Variants in FCN3 observed in about 807,000 individuals in gnomAD.
FCN3 encodes the protein ficolin 3, also known as ficolin-3.
Under a neutral mutation model 31.5 loss-of-function variants are expected in FCN3, and 28 were observed. That is an observed-to-expected ratio of 0.89 (90% CI 0.66 to 1.22). The LOEUF (loss-of-function observed/expected upper bound fraction) is 1.22. Ranked by LOEUF, FCN3 falls within the 50% of genes most tolerant of loss-of-function variation. The pLI, the probability that FCN3 is intolerant of heterozygous loss-of-function variation, is 0.00. For synonymous variants in FCN3, 124 were observed against 147.4 expected (o/e 0.84, Z 1.15); for missense variants, 351 against 386.8 (o/e 0.91, Z 0.78).
At chr1:27,372,470 A>T (rs765624176) in intron 5 of FCN3, among the ~76,000 whole-genome samples, 36 of 151,948 alleles carry the variant, frequency 2.4e-4, no homozygotes, top group Non-Finnish European at 4.6e-4. Flanking sequence ...CTGATCTCGA[A>T]CTCTTGACCT....
At chr1:27,370,347 T>A (rs1455476385) in intron 7 of FCN3, 6 of 487,966 alleles carry the variant, frequency 1.2e-5, no homozygotes, top group Non-Finnish European at 2.2e-5. Context: ...TGAGGCTCAG[T>A]GGAGGGGTAG....
chr1:27,373,049 G>T, intron 5 of FCN3, 87 bp downstream of exon 5: 1 of 1,479,610 alleles, frequency 6.8e-7, no homozygotes, highest in Non-Finnish European at 9.2e-7. Flanking sequence ...GAAATGCCTT[G>T]CTCTGGTGGG....
chr1:27,370,523 T>A (rs879681460), intron 7 of FCN3, 73 bp downstream of exon 7: 28 of 1,333,696 alleles, frequency 2.1e-5, no homozygotes, highest in Non-Finnish European at 2.9e-5. Flanking sequence ...TTGCCCTGGG[T>A]CATTCATGGG....
At chr1:27,373,764 C>T (rs1308734900) in intron 3 of FCN3, 3 of 649,682 alleles carry the variant, frequency 4.6e-6, no homozygotes, top group Admixed American at 2.8e-5. Context: ...TAATCCTCCC[C>T]ACTCCTCCCA....
chr1:27,374,657 A>T, intron 1 of FCN3, 71 bp downstream of exon 1: 1 of 951,218 alleles, frequency 1.1e-6, no homozygotes, highest in Non-Finnish European at 1.5e-6. Flanking sequence ...GAGGTTGATG[A>T]GCCTTGGTGG....
intron 7 of FCN3, among the ~76,000 whole-genome samples, 160 bp from the exon 8 acceptor site, chr1:27,369,637 C>A (rs1213765969): frequency 2.0e-5 from 3 of 152,214 alleles, no homozygotes; most frequent in African/African-American, 7.2e-5. Context: ...GGTTACTCGG[C>A]TGGTTGAAGC....
chr1:27,371,034 G>A, intron 5 of FCN3, 62 bp from the exon 6 acceptor site: 1 of 1,554,952 alleles, frequency 6.4e-7, no homozygotes, highest in Non-Finnish European at 8.8e-7. Context: ...TGAGGGTGCA[G>A]GAACTGTGAG....
chr1:27,371,453 G>A (rs531495371), intron 5 of FCN3, among the ~76,000 whole-genome samples: 77 of 152,224 alleles, frequency 5.1e-4, no homozygotes, highest in African/African-American at 1.8e-3. Context: ...GCTCACACCT[G>A]TAGTTCCAGC....
intron 6 of FCN3, 35 bp downstream of exon 6, chr1:27,370,807 TA>T: frequency 6.2e-7 from 1 of 1,611,428 alleles, no homozygotes; most frequent in Middle Eastern, 1.7e-4. Context: ...TGGCAGACAG[TA>T]ACCCCCAGAC....
At chr1:27,373,309 G>A (rs779973101) in intron 4 of FCN3, 46 bp from the exon 5 acceptor site, 3 of 1,611,588 alleles carry the variant, frequency 1.9e-6, no homozygotes, top group African/African-American at 2.7e-5. Flanking sequence ...GTTATTCCCT[G>A]ACCCCCACCC....
rs1318052893 is a variant in FCN3 at position 27,370,632 on chromosome 1, G to C, written c.622C>G (p.Gln208Glu). The change falls in exon 7 of 8, where the codon CAG becomes GAG. Residue 208 changes from glutamine to glutamate, a missense_variant. Physicochemically the swap from Gln to Glu is conservative, Grantham distance 29 (BLOSUM62 2). Transcript: ENST00000270879. Reference protein sequence around the residue: ...FRLLGEVDHYQLALGKFSEGT... With the variant: ...FRLLGEVDHYELALGKFSEGT... Reference sequence around the variant, plus strand: ...TCTGAGAACTTGCCCAGTGCCAGCTGGTAGTGGTCTACCTCACCGAGGAGG... The same window carrying C: ...TCTGAGAACTTGCCCAGTGCCAGCTCGTAGTGGTCTACCTCACCGAGGAGG... The C allele has an allele frequency of 6.2e-7, 1 of 1,614,224 alleles. No individual in the cohort carries two copies. The highest frequency in any genetic ancestry group is 2.2e-5 in the East Asian group (1 of 44,886).
In FCN3 at chr1:27,369,141, T is replaced by C. The variant is rs373914427; in HGVS notation, c.*95A>G. The C allele has an allele frequency of 7.0e-7, 1 of 1,434,566 alleles. No homozygotes were observed. Among genetic ancestry groups the C allele is most frequent in the Non-Finnish European group, 9.6e-7 (1 of 1,037,562 alleles). The allele number at this position is 1,434,566 out of a possible 1,614,324, so 88.9% of individuals were successfully genotyped here. The stretch of plus-strand genomic sequence containing the variant: ...GGGCTAAAATGATTTTATTTTTAAA[T>C]GTGGACAGGCAAGCAGAGGTGGTTG... On this transcript the variant is annotated 3_prime_UTR_variant, in exon 8 of 8. Transcript: ENST00000270879.
chr1:27,373,504 C>T lies in FCN3; in HGVS notation c.249G>A (p.Leu83=). Residue 83 remains leucine, a synonymous_variant, in exon 4 of 8, where the codon CTG becomes CTA. Coordinates refer to ENST00000270879, the MANE Select transcript of FCN3 (RefSeq NM_003665.4). The part of the protein sequence containing the change: ...PKGEPGDPVN[L]LRCQEGPRNC... ...CTGCCTCACCTTCCTGGCACCGGAG[C>T]AGGTTCACTGGATCTCCTGCCCCAG... 1.2e-6 allele frequency: 2 copies of T among 1,614,116 alleles called. No individual in the cohort carries two copies. Among genetic ancestry groups the T allele is most frequent in the Non-Finnish European group, 1.7e-6 (2 of 1,179,994 alleles).
At chr1:27,373,423 G>A (rs1034109974) in intron 4 of FCN3, 65 bp downstream of exon 4, 46 of 1,601,952 alleles carry the variant, frequency 2.9e-5, no homozygotes, top group Non-Finnish European at 3.8e-5. Context: ...GGCCACACTT[G>A]GGGGTCTGCC....
chr1:27,370,570 C>T, intron 7 of FCN3, 26 bp downstream of exon 7: 1 of 1,604,982 alleles, frequency 6.2e-7, no homozygotes. Flanking sequence ...CAGCCTCCTT[C>T]CTCTGCTCCC....
Position 27,369,735 on chromosome 1 carries a change from C to G in FCN3, c.659-258G>C, listed in dbSNP as rs142070699. ...ACCCCCTCCAGAATCCCCGGCCCCC[C>G]TCTAGCTCCTTTGTCTTCTCTCAGC... On this transcript the variant is annotated intron_variant, in intron 7 of 7. Transcript: ENST00000270879. Among the ~76,000 whole-genome samples the G allele has an allele frequency of 1.7e-3, 262 of 152,016 alleles. 1 individual carries two copies. The highest frequency in any genetic ancestry group is 6.2e-3 in the African/African-American group (257 of 41,468).
In FCN3 at chr1:27,370,045, C is replaced by T. The variant is rs552328656; in HGVS notation, c.658+551G>A. On this transcript the variant is annotated intron_variant, in intron 7 of 7. Coordinates refer to ENST00000270879, the MANE Select transcript of FCN3 (RefSeq NM_003665.4). Reference sequence around the variant, plus strand: ...TTTCTGAGATGGAGTCTCGCTCTGTCGCCCAGGCTAGAGTGCAGTGACACT... The same window carrying T: ...TTTCTGAGATGGAGTCTCGCTCTGTTGCCCAGGCTAGAGTGCAGTGACACT... 1.7e-4 allele frequency among the ~76,000 whole-genome samples: 25 copies of T among 150,030 alleles called. No homozygotes were observed. In the East Asian group the frequency reaches 3.4e-3, roughly 20 times the overall value.
intron 2 of FCN3, 77 bp from the exon 3 acceptor site, chr1:27,374,086 A>C: frequency 7.4e-7 from 1 of 1,346,622 alleles, no homozygotes; most frequent in African/African-American, 1.5e-5. Context: ...ACTTGGAGCC[A>C]GAGGTTCAAA....
chr1:27,373,591 G>A (rs750663681), intron 3 of FCN3, 71 bp from the exon 4 acceptor site: 347 of 1,529,152 alleles, frequency 2.3e-4, no homozygotes, highest in Non-Finnish European at 2.6e-4. Context: ...CAGTGGAGCC[G>A]GTACCCAGGC....
Sources: allele counts gnomAD v4.1 joint callset (sites outside exome capture counted in the v4.1 genomes callset), GRCh38; gene constraint gnomAD v4.1.1; transcripts MANE v1.5; gene names NCBI Gene and HGNC (gene_info 2026-07-23, HGNC 2026-07-21).